SPOCK2: variants seen among roughly 807,000 people sequenced by gnomAD.
SPOCK2 encodes the protein SPARC (osteonectin), cwcv and kazal like domains proteoglycan 2.
A neutral mutation model predicts 60.1 loss-of-function variants in SPOCK2; 39 were observed. That is an observed-to-expected ratio of 0.65 (90% CI 0.50 to 0.85). The LOEUF (loss-of-function observed/expected upper bound fraction) is 0.85. Ranked by LOEUF, SPOCK2 falls within the 40% of genes least tolerant of loss-of-function variation. The pLI is 0.00. For synonymous variants in SPOCK2, 217 were observed against 231.5 expected, an observed-to-expected ratio of 0.94 and a Z score of 0.57; for missense variants, 523 against 567.4, an observed-to-expected ratio of 0.92 and a Z score of 0.80.
At chr10:72,084,340 G>A (rs1348543534) in intron 1 of SPOCK2, among the ~76,000 whole-genome samples, 3 of 152,234 alleles carry the variant, frequency 2.0e-5, no homozygotes, top group Non-Finnish European at 4.4e-5. Context: ...AGAGGGTTTA[G>A]GTGATGTGCC....
intron 1 of SPOCK2, among the ~76,000 whole-genome samples, chr10:72,084,101 C>G (rs977821483): frequency 1.3e-5 from 2 of 152,164 alleles, no homozygotes; most frequent in African/African-American, 4.8e-5. Context: ...AAGTCCCTGG[C>G]ATACAGGAAG....
intron 2 of SPOCK2, 139 bp from the exon 3 acceptor site, chr10:72,072,687 A>G: frequency 1.4e-6 from 2 of 1,394,474 alleles, no homozygotes; most frequent in Non-Finnish European, 2.0e-6. Context: ...ACCCCTGTCC[A>G]CCCAGGCCCT....
At chr10:72,084,547 T>A (rs1162714046) in intron 1 of SPOCK2, among the ~76,000 whole-genome samples, 4 of 152,148 alleles carry the variant, frequency 2.6e-5, no homozygotes, top group Admixed American at 6.5e-5. Flanking sequence ...GTGACACTCC[T>A]ACTCAGGGCA....
At chr10:72,081,309 G>A (rs755921288) in intron 1 of SPOCK2, among the ~76,000 whole-genome samples, 7 of 152,226 alleles carry the variant, frequency 4.6e-5, no homozygotes, top group South Asian at 2.1e-4. Flanking sequence ...GAGACTTCGC[G>A]TCCTCTGCCC....
At chr10:72,079,837 G>C (rs1194543003) in intron 1 of SPOCK2, among the ~76,000 whole-genome samples, 5 of 151,972 alleles carry the variant, frequency 3.3e-5, no homozygotes, top group African/African-American at 1.2e-4. Flanking sequence ...CACCACCAAG[G>C]ACTCAGGGGC....
At chr10:72,086,922 G>A in intron 1 of SPOCK2, 1 of 1,551,572 alleles carries the variant, frequency 6.4e-7, no homozygotes, top group Non-Finnish European at 8.7e-7. Context: ...GTGGATGCAC[G>A]CAGTTTAAGG....
rs1221031379 is a variant in SPOCK2, at chr10:72,061,100, C to G, written c.*1660G>C. On this transcript the variant is annotated 3_prime_UTR_variant, in exon 11 of 11. Coordinates refer to ENST00000373109, the MANE Select transcript of SPOCK2 (RefSeq NM_001244950.2). Reference sequence around the variant, plus strand: ...CACGCACTGAAGGGCATCACAGCCCCAAGTCTGGGTAAGAAATTCTCCACC... The same window carrying G: ...CACGCACTGAAGGGCATCACAGCCCGAAGTCTGGGTAAGAAATTCTCCACC... The G allele has an allele frequency of 2.6e-5, 4 of 152,938 alleles. No homozygotes were observed. The East Asian group carries it at 5.8e-4, about 22-fold the overall frequency. The allele number at this position is 152,938 out of a possible 1,614,324, so 9.5% of individuals were successfully genotyped here.
intron 5 of SPOCK2, 109 bp from the exon 6 acceptor site, chr10:72,068,410 G>A (rs1394706340): frequency 3.3e-6 from 4 of 1,205,870 alleles, no homozygotes; most frequent in Non-Finnish European, 3.5e-6. Context: ...CTCCCCCCAT[G>A]GAGTGCCCAT....
At chr10:72,068,818 T>C (rs1359659339) in intron 5 of SPOCK2, 1 of 153,378 alleles carries the variant, frequency 6.5e-6, no homozygotes, top group Non-Finnish European at 1.5e-5. Context: ...TAAGAACTGC[T>C]TCTGCCACAG....
At chr10:72,081,588 A>C (rs1009923008) in intron 1 of SPOCK2, among the ~76,000 whole-genome samples, 1 of 152,252 alleles carries the variant, frequency 6.6e-6, no homozygotes, top group African/African-American at 2.4e-5. Context: ...GAAGAGGCTC[A>C]GAGCACCCTC....
intron 1 of SPOCK2, among the ~76,000 whole-genome samples, chr10:72,080,399 T>G (rs1245557): frequency 1.3e-5 from 2 of 152,034 alleles, no homozygotes; most frequent in African/African-American, 4.8e-5. Context: ...GCCAGTCCAC[T>G]GAAGAAGGCC....
chr10:72,082,875 A>G (rs955751279), intron 1 of SPOCK2, among the ~76,000 whole-genome samples: 1 of 151,176 alleles, frequency 6.6e-6, no homozygotes, highest in Non-Finnish European at 1.5e-5. Context: ...AAAAAAAAAA[A>G]AAGAAGAGGC....
In SPOCK2 at chr10:72,067,782, G is replaced by C. The variant is rs376583243; in HGVS notation, c.590-50C>G. On this transcript the variant is annotated intron_variant, in intron 6 of 10. Coordinates refer to ENST00000373109, the MANE Select transcript of SPOCK2 (RefSeq NM_001244950.2). Reference sequence around the variant, plus strand: ...AGGGCGAATGTGCAGTGGAGCAGCAGGCTCGATCTCAGTCTGGGATCCTGC... The same window carrying C: ...AGGGCGAATGTGCAGTGGAGCAGCACGCTCGATCTCAGTCTGGGATCCTGC... 122 of 1,590,140 alleles carry C rather than the reference G, an allele frequency of 7.7e-5. No homozygotes were observed. In the East Asian group the frequency reaches 1.9e-3, roughly 25 times the overall value.
chr10:72,077,405 C>T (rs3780937), intron 1 of SPOCK2, among the ~76,000 whole-genome samples: 5,926 of 152,272 alleles, frequency 0.039, 143 homozygotes, highest in Middle Eastern at 0.065. Flanking sequence ...ACTGGGGTTA[C>T]AGGCATGAGC....
At chr10:72,078,674 C>T (rs1295242775) in intron 1 of SPOCK2, among the ~76,000 whole-genome samples, 1 of 152,202 alleles carries the variant, frequency 6.6e-6, no homozygotes, top group Non-Finnish European at 1.5e-5. Context: ...CCAGGTCCTT[C>T]CTGCAAGGTT....
intron 8 of SPOCK2, among the ~76,000 whole-genome samples, chr10:72,065,291 C>G (rs1003183773): frequency 1.3e-5 from 2 of 152,144 alleles, no homozygotes; most frequent in African/African-American, 4.8e-5. Flanking sequence ...CCACCTCGGC[C>G]TCCCAAAGTG....
rs781415390 is a variant in SPOCK2 at position 72,088,304 on chromosome 10, G to A, written c.25C>T (p.Leu9=). 5 of 1,588,748 alleles carry A rather than the reference G, an allele frequency of 3.1e-6. No individual in the cohort carries two copies. In the East Asian group the frequency reaches 1.1e-4, roughly 36 times the overall value. The change falls in exon 1 of 11, where the codon CTG becomes TTG. Residue 9 remains leucine, a synonymous_variant. Coordinates refer to ENST00000373109, the MANE Select transcript of SPOCK2 (RefSeq NM_001244950.2). ...GCCAGGAGCAGCAGCGGCAGCACCAGCCGCCCGCAGCCCGGGGCGCGCATC... is the reference window on the plus strand; with the variant it reads ...GCCAGGAGCAGCAGCGGCAGCACCAACCGCCCGCAGCCCGGGGCGCGCATC... MRAPGCGR[L]VLPLLLLAAA...
Position 72,062,865 on chromosome 10 carries a change from G to C in SPOCK2, c.1170C>G (p.Val390=). The change falls in exon 11 of 11, where the codon GTC becomes GTG. Residue 390 remains valine, a synonymous_variant. Coordinates refer to ENST00000373109, the MANE Select transcript of SPOCK2 (RefSeq NM_001244950.2). The surrounding 1 kb of genome is among the most constrained non-coding windows in gnomAD (Gnocchi z 4.3). ...VGFSGDFGSG[V]GWEDEEEKET... ...CCTTCTCCTCCTCATCCTCCCAGCCGACACCGCTTCCAAAGTCCCCCGAGA... is the reference window on the plus strand; with the variant it reads ...CCTTCTCCTCCTCATCCTCCCAGCCCACACCGCTTCCAAAGTCCCCCGAGA... 1.9e-6 allele frequency: 3 copies of C among 1,602,108 alleles called. No homozygotes were observed. In the South Asian group the frequency reaches 3.3e-5, roughly 18 times the overall value.
intron 5 of SPOCK2, chr10:72,070,105 C>T: frequency 1.8e-6 from 1 of 542,256 alleles, no homozygotes; most frequent in Non-Finnish European, 3.3e-6. Context: ...CAGGGACAGA[C>T]AGGGTCTGGC....
Sources: gnomAD v4.1 joint callset for allele counts (sites outside exome capture counted in the v4.1 genomes callset) on GRCh38, gnomAD v4.1.1 for gene constraint, Gnocchi (gnomAD v3.1) non-coding constraint, MANE v1.5 for transcripts, NCBI Gene and HGNC (gene_info 2026-07-23, HGNC 2026-07-21) for gene names.